The following UNC5A variants were observed in gnomAD, a reference collection of about 807,000 sequenced individuals.
The protein encoded by UNC5A is unc-5 netrin receptor A.
In UNC5A, 20 loss-of-function variants were observed where a neutral mutation model predicts 87.4. The ratio of observed to expected loss-of-function variants is 0.23; its 90% CI spans 0.16 to 0.33. UNC5A has a LOEUF of 0.33. Ranked by LOEUF, UNC5A falls within the 10% of genes least tolerant of loss-of-function variation. UNC5A has a pLI of 1.00. For missense variants in UNC5A, 844 were observed against 1,133.4 expected (o/e 0.74, Z 3.67); for synonymous variants, 438 against 482.3 (o/e 0.91, Z 1.20).
intron 2 of UNC5A, chr5:176,864,847 G>C: frequency 4.4e-6 from 2 of 456,078 alleles, no homozygotes; most frequent in Non-Finnish European, 8.8e-6. Context: ...GGCCAATGTA[G>C]CCCAACAGAA....
intron 9 of UNC5A, 110 bp downstream of exon 9, chr5:176,877,389 G>A (rs1758288691): frequency 1.5e-6 from 2 of 1,358,346 alleles, no homozygotes; most frequent in Non-Finnish European, 2.0e-6. Flanking sequence ...GGCGGCGGGG[G>A]AAAGAGCTAT....
chr5:176,829,461 G>A (rs907030815), intron 1 of UNC5A, among the ~76,000 whole-genome samples: 2 of 143,694 alleles, frequency 1.4e-5, no homozygotes. Flanking sequence ...TGGGTGGATG[G>A]TTGGGTGGGT....
intron 1 of UNC5A, among the ~76,000 whole-genome samples, chr5:176,825,577 C>T (rs967972724): frequency 4.6e-5 from 7 of 152,158 alleles, no homozygotes; most frequent in Non-Finnish European, 1.0e-4. Flanking sequence ...GTGAAGGTTT[C>T]AGGGAGAAAC....
chr5:176,873,268 T>G (rs1240371128), intron 6 of UNC5A, among the ~76,000 whole-genome samples: 1 of 152,070 alleles, frequency 6.6e-6, no homozygotes, highest in African/African-American at 2.4e-5. Flanking sequence ...GCCGGGCTTG[T>G]GAGGGCTGTT....
intron 1 of UNC5A, among the ~76,000 whole-genome samples, chr5:176,855,472 C>A (rs768328965): frequency 2.0e-5 from 3 of 152,190 alleles, no homozygotes; most frequent in African/African-American, 7.2e-5. Context: ...CCCTGGACCA[C>A]GTGGCCTGCA....
Position 176,865,282 on chromosome 5 carries a change from C to T in UNC5A, c.292+2437C>T, listed in dbSNP as rs1420481563. On this transcript the variant is annotated intron_variant, in intron 2 of 14. Coordinates refer to ENST00000329542, the MANE Select transcript of UNC5A (RefSeq NM_133369.3). The surrounding 1 kb of genome is among the most constrained non-coding windows in gnomAD (Gnocchi z 5.3). ...CCCTGCTGCTCCCAGCACCCCCTTC[C>T]GGGCTCCCCCGCACACCCCTCTGTC... 2.0e-5 allele frequency among the ~76,000 whole-genome samples: 3 copies of T among 152,224 alleles called. No homozygotes were observed. Among genetic ancestry groups the T allele is most frequent in the Admixed American group, 6.5e-5 (1 of 15,284 alleles).
rs1384524168 is a variant in UNC5A at position 176,810,982 on chromosome 5, C to T, written c.70+162C>T. Among the ~76,000 whole-genome samples the T allele has an allele frequency of 6.6e-6, 1 of 152,032 alleles. No homozygotes were observed. The highest frequency in any genetic ancestry group is 1.9e-4 in the East Asian group (1 of 5,146). ...GCGGGGGGCTCTTCTTGCTGCTGCG[C>T]AGCTTCCCCGCGCGCTCTCCCGGAA... On this transcript the variant is annotated intron_variant, in intron 1 of 14. Coordinates refer to ENST00000329542, the MANE Select transcript of UNC5A (RefSeq NM_133369.3). The surrounding 1 kb of genome is among the most constrained non-coding windows in gnomAD (Gnocchi z 7.3).
rs571021170 is a variant in UNC5A, at chr5:176,819,575, A to G, written c.70+8755A>G. Among the ~76,000 whole-genome samples, 110 of 152,208 alleles carry G rather than the reference A, an allele frequency of 7.2e-4. No homozygotes were observed. The South Asian group carries it at 0.014, about 19-fold the overall frequency. On this transcript the variant is annotated intron_variant, in intron 1 of 14. Coordinates refer to ENST00000329542, the MANE Select transcript of UNC5A (RefSeq NM_133369.3). Reference sequence around the variant, plus strand: ...GGCTGCCAGGAGCTTCCGGGACTACATCCTTACAGGTCCAGGCCCAGGCTC... The same window carrying G: ...GGCTGCCAGGAGCTTCCGGGACTACGTCCTTACAGGTCCAGGCCCAGGCTC...
intron 3 of UNC5A, 82 bp downstream of exon 3, chr5:176,868,355 A>G: frequency 1.3e-6 from 2 of 1,588,096 alleles, no homozygotes; most frequent in Non-Finnish European, 1.7e-6. Context: ...TTCCTGGAAG[A>G]GGCGGTCCGG....
chr5:176,865,960 A>G lies in UNC5A; in HGVS notation c.293-2170A>G, dbSNP rs1416985689. 6.6e-6 allele frequency among the ~76,000 whole-genome samples: 1 copy of G among 152,202 alleles called. No individual in the cohort carries two copies. Among genetic ancestry groups the G allele is most frequent in the Non-Finnish European group, 1.5e-5 (1 of 68,026 alleles). On this transcript the variant is annotated intron_variant, in intron 2 of 14. Transcript: ENST00000329542. This position sits in a 1 kb window ranked among gnomAD's most constrained non-coding sequence, Gnocchi z 5.3. Reference sequence around the variant, plus strand: ...GCACTGGAGTCCGGTCTGGGAGTATAACTTATTTTGTGTTAAACAAACTGA... The same window carrying G: ...GCACTGGAGTCCGGTCTGGGAGTATGACTTATTTTGTGTTAAACAAACTGA...
At chr5:176,826,175 C>T (rs1756848256) in intron 1 of UNC5A, among the ~76,000 whole-genome samples, 1 of 152,240 alleles carries the variant, frequency 6.6e-6, no homozygotes, top group South Asian at 2.1e-4. Flanking sequence ...GCTGAGGGCA[C>T]ATTTGCTAGG....
Position 176,865,888 on chromosome 5 carries a change from C to G in UNC5A, c.293-2242C>G, listed in dbSNP as rs1757963788. Reference sequence around the variant, plus strand: ...GGGACCAAGGCCTGAAGTGCTGGAACCCAAACCTGCTAACACTAAAAAAAA... The same window carrying G: ...GGGACCAAGGCCTGAAGTGCTGGAAGCCAAACCTGCTAACACTAAAAAAAA... On this transcript the variant is annotated intron_variant, in intron 2 of 14. Transcript: ENST00000329542. The surrounding 1 kb of genome is among the most constrained non-coding windows in gnomAD (Gnocchi z 5.3). 1.3e-5 allele frequency among the ~76,000 whole-genome samples: 2 copies of G among 152,328 alleles called. No individual in the cohort carries two copies. Among genetic ancestry groups the G allele is most frequent in the East Asian group, 3.9e-4 (2 of 5,186 alleles).
rs58515865 is a variant in UNC5A at position 176,839,807 on chromosome 5, CTTT to C, written c.71-22793_71-22791del. Among the ~76,000 whole-genome samples the C allele has an allele frequency of 4.2e-3, 523 of 123,814 alleles. 1 individual carries two copies. The highest frequency in any genetic ancestry group is 0.012 in the South Asian group (49 of 3,924). The allele number at this position is 123,814 out of a possible 152,430, so 81.2% of individuals were successfully genotyped here. ...CCCACTGTGGCTTCACGGCCACTTC[CTTT>C]TTTTTTTTTTTTTTTTTTTTTTTCT... On this transcript the variant is annotated intron_variant, in intron 1 of 14. Coordinates refer to ENST00000329542, the MANE Select transcript of UNC5A (RefSeq NM_133369.3).
intron 1 of UNC5A, among the ~76,000 whole-genome samples, chr5:176,823,122 A>G (rs1326843261): frequency 8.0e-6 from 1 of 125,256 alleles, no homozygotes; most frequent in Non-Finnish European, 1.6e-5. Context: ...AGTAAGAGAG[A>G]TGGATGTGGG....
At position 176,869,931 on chromosome 5, in the gene UNC5A, C is replaced by T; in HGVS notation, c.722-439C>T. 6 of 568,262 alleles carry T rather than the reference C, an allele frequency of 1.1e-5. No individual in the cohort carries two copies. The highest frequency in any genetic ancestry group is 9.0e-5 in the East Asian group (3 of 33,256). The allele number at this position is 568,262 out of a possible 1,614,324, so 35.2% of individuals were successfully genotyped here. On this transcript the variant is annotated intron_variant, in intron 5 of 14. Coordinates refer to ENST00000329542, the MANE Select transcript of UNC5A (RefSeq NM_133369.3). The surrounding 1 kb of genome is among the most constrained non-coding windows in gnomAD (Gnocchi z 9.1). ...TCAGTCTGAGGCGGGGATCGGGGTG[C>T]GGTGTATGGTTGGAGTCAGGGCTCG...
intron 1 of UNC5A, among the ~76,000 whole-genome samples, chr5:176,836,110 G>A (rs1048148543): frequency 6.6e-6 from 1 of 152,212 alleles, no homozygotes; most frequent in African/African-American, 2.4e-5. Flanking sequence ...ATCTAGAAAG[G>A]CAGTGAGCTG....
intron 6 of UNC5A, among the ~76,000 whole-genome samples, chr5:176,872,051 A>G: frequency 2.8e-5 from 1 of 35,398 alleles, no homozygotes; most frequent in African/African-American, 9.6e-5. Context: ...CACCAACACC[A>G]CAGCTTCACA....
intron 1 of UNC5A, among the ~76,000 whole-genome samples, chr5:176,813,453 G>A (rs867161265): frequency 2.0e-5 from 3 of 152,204 alleles, no homozygotes; most frequent in Admixed American, 2.0e-4. Context: ...GGCTGAGGGG[G>A]TCTTAATCCT....
Position 176,865,775 on chromosome 5 carries a change from G to A in UNC5A, c.293-2355G>A. ...CTCTGCAGCCCACTCATTCATGTGT[G>A]GGGCTGGAGGTGGCCGGATGGACAC... is the stretch of plus-strand genomic sequence containing the variant. On this transcript the variant is annotated intron_variant, in intron 2 of 14. Coordinates refer to ENST00000329542, the MANE Select transcript of UNC5A (RefSeq NM_133369.3). The surrounding 1 kb of genome is among the most constrained non-coding windows in gnomAD (Gnocchi z 5.3). 2.4e-6 allele frequency: 1 copy of A among 424,672 alleles called. No individual in the cohort carries two copies. The highest frequency in any genetic ancestry group is 4.7e-6 in the Non-Finnish European group (1 of 210,678). The allele number at this position is 424,672 out of a possible 1,614,324, so 26.3% of individuals were successfully genotyped here.
Sources: allele counts gnomAD v4.1 joint callset (sites outside exome capture counted in the v4.1 genomes callset), GRCh38; gene constraint gnomAD v4.1.1; non-coding constraint Gnocchi (gnomAD v3.1); transcripts MANE v1.5; gene names NCBI Gene and HGNC (gene_info 2026-07-23, HGNC 2026-07-21).